KAT2B: variants seen among roughly 807,000 people sequenced by gnomAD.
The protein encoded by KAT2B is histone acetyltransferase KAT2B.
Under a neutral mutation model 105.9 loss-of-function variants are expected in KAT2B, and 36 were observed. That is an observed-to-expected ratio of 0.34 (90% CI 0.26 to 0.45). KAT2B has a LOEUF of 0.45. Ranked by LOEUF, KAT2B falls within the 20% of genes least tolerant of loss-of-function variation. KAT2B has a pLI of 1.00. For synonymous variants in KAT2B, 397 were observed against 377.9 expected (o/e 1.05, Z -0.59); for missense variants, 820 against 1,021.6 (o/e 0.80, Z 2.69).
chr3:20,144,343 C>T (rs1254346417), intron 13 of KAT2B, among the ~76,000 whole-genome samples: 1 of 126,394 alleles, frequency 7.9e-6, no homozygotes, highest in Non-Finnish European at 1.5e-5. Flanking sequence ...GGCTGGAGTG[C>T]AGTGGCATGA....
chr3:20,125,719 C>G (rs1291487468), intron 9 of KAT2B, among the ~76,000 whole-genome samples, 186 bp from the exon 10 acceptor site: 2 of 152,126 alleles, frequency 1.3e-5, no homozygotes, highest in Non-Finnish European at 2.9e-5. Context: ...CCTTTTCTGT[C>G]TTGTCTTCAT....
chr3:20,048,800 A>G (rs1237536880), intron 1 of KAT2B, among the ~76,000 whole-genome samples: 3 of 152,098 alleles, frequency 2.0e-5, no homozygotes, highest in Non-Finnish European at 2.9e-5. Context: ...CACATTGGCT[A>G]CTCACACATG....
In KAT2B at chr3:20,062,300, TAA is replaced by T. The variant is rs1559514563; in HGVS notation, c.304-10030_304-10029del. Among the ~76,000 whole-genome samples, 9 of 48,832 alleles carry T rather than the reference TAA, an allele frequency of 1.8e-4. 1 individual carries two copies. Among genetic ancestry groups the T allele is most frequent in the East Asian group, 3.5e-4 (1 of 2,820 alleles). 32.0% of individuals were successfully genotyped at this position (48,832 alleles called of 152,430 possible). On this transcript the variant is annotated intron_variant, in intron 1 of 17. Transcript: ENST00000263754. ...TATATAAAATATAATATATAATATA[TAA>T]AATATAATATATATAAAATATTTAT...
At chr3:20,084,429 C>T (rs1016454384) in intron 2 of KAT2B, among the ~76,000 whole-genome samples, 1 of 152,078 alleles carries the variant, frequency 6.6e-6, no homozygotes, top group Non-Finnish European at 1.5e-5. Context: ...AGTTACTCAC[C>T]CTTTGTACAG....
At chr3:20,147,867 C>G (rs1488043602) in intron 14 of KAT2B, 96 bp from the exon 15 acceptor site, 10 of 1,129,846 alleles carry the variant, frequency 8.9e-6, no homozygotes, top group Non-Finnish European at 1.3e-5. Context: ...CTTTTATTGT[C>G]ATGCCTATAA....
chr3:20,084,616 A>C (rs568327185), intron 2 of KAT2B, among the ~76,000 whole-genome samples: 63 of 152,310 alleles, frequency 4.1e-4, no homozygotes, highest in Non-Finnish European at 7.6e-4. Flanking sequence ...AAAATCACAA[A>C]ACCACAAGCA....
At chr3:20,106,438 TAC>T (rs10554524) in intron 5 of KAT2B, among the ~76,000 whole-genome samples, 32,631 of 145,320 alleles carry the variant, frequency 0.22, 4,151 homozygotes, top group East Asian at 0.4. Context: ...ACACCAGAAG[TAC>T]ACACACACAC....
At chr3:20,113,660 C>T (rs1699158621) in intron 6 of KAT2B, among the ~76,000 whole-genome samples, 1 of 152,174 alleles carries the variant, frequency 6.6e-6, no homozygotes, top group African/African-American at 2.4e-5. Context: ...CAGAACCACA[C>T]ATGTTGAAGC....
intron 2 of KAT2B, among the ~76,000 whole-genome samples, chr3:20,074,765 A>T (rs547520491): frequency 4.8e-4 from 73 of 152,288 alleles, no homozygotes; most frequent in African/African-American, 1.7e-3. Context: ...TGAATCATTT[A>T]GGATTCAACT....
chr3:20,140,137 C>A, intron 12 of KAT2B, 84 bp from the exon 13 acceptor site: 1 of 885,828 alleles, frequency 1.1e-6, no homozygotes, highest in Non-Finnish European at 1.8e-6. Flanking sequence ...GTCTTGATTC[C>A]TCACACAGTG....
chr3:20,042,371 C>G (rs1041520432), intron 1 of KAT2B, among the ~76,000 whole-genome samples: 1 of 152,104 alleles, frequency 6.6e-6, no homozygotes, highest in Admixed American at 6.6e-5. Context: ...GGGCATTAGA[C>G]GAATGAGAAC....
chr3:20,123,613 A>G (rs1051472014), intron 9 of KAT2B, among the ~76,000 whole-genome samples: 4 of 152,200 alleles, frequency 2.6e-5, no homozygotes, highest in Non-Finnish European at 5.9e-5. Context: ...AATTTCCCAT[A>G]TAGCCAGATG....
chr3:20,144,286 T>C (rs55828442), intron 13 of KAT2B, among the ~76,000 whole-genome samples: 21,256 of 72,318 alleles, frequency 0.29, 2,047 homozygotes, highest in Non-Finnish European at 0.36. Context: ...CTTTTTTTTT[T>C]TTTTTTTTTT....
chr3:20,040,455 C>A lies in KAT2B; in HGVS notation c.-23C>A. On this transcript the variant is annotated 5_prime_UTR_variant, in exon 1 of 18. Coordinates refer to ENST00000263754, the MANE Select transcript of KAT2B (RefSeq NM_003884.5). The stretch of plus-strand genomic sequence containing the variant: ...GGCGGCGGCGCCTGACACTCGGCGC[C>A]TCCTGCCGTGCTCCGGGGCGGCATG... The A allele has an allele frequency of 3.7e-6, 4 of 1,088,080 alleles. No homozygotes were observed. The highest frequency in any genetic ancestry group is 4.5e-6 in the Non-Finnish European group (4 of 897,876). The allele number at this position is 1,088,080 out of a possible 1,614,324, so 67.4% of individuals were successfully genotyped here.
At chr3:20,105,341 G>A (rs2125159821) in intron 5 of KAT2B, among the ~76,000 whole-genome samples, 1 of 152,300 alleles carries the variant, frequency 6.6e-6, no homozygotes, top group East Asian at 1.9e-4. Flanking sequence ...TAAAAAGAAA[G>A]TGTCACAGGA....
At position 20,119,695 on chromosome 3, in the gene KAT2B, A is replaced by C. The variant is rs137884855; in HGVS notation, c.1248A>C (p.Lys416Asn). 19 of 1,614,096 alleles carry C rather than the reference A, an allele frequency of 1.2e-5. No individual in the cohort carries two copies. The Admixed American group carries it at 2.5e-4, about 21-fold the overall frequency. ...PNAGSSSPAC[K>N]ASSGLEANPG... ...CAGGGAGCAGCAGTCCTGCCTGCAA[A>C]GCCTCTTCTGGACTTGAGGCAAACC... The change falls in exon 8 of 18, where the codon AAA becomes AAC. Residue 416 changes from lysine to asparagine, a missense_variant. Lys to Asn is a moderately conservative substitution (Grantham distance 94, BLOSUM62 0). Coordinates refer to ENST00000263754, the MANE Select transcript of KAT2B (RefSeq NM_003884.5).
intron 1 of KAT2B, among the ~76,000 whole-genome samples, chr3:20,062,156 A>T (rs1274803839): frequency 7.0e-5 from 6 of 85,242 alleles, no homozygotes; most frequent in Non-Finnish European, 1.2e-4. Flanking sequence ...ATAAAAATAT[A>T]TAATATATAA....
intron 5 of KAT2B, among the ~76,000 whole-genome samples, chr3:20,101,886 T>G (rs1698916919): frequency 6.6e-6 from 1 of 152,264 alleles, no homozygotes; most frequent in South Asian, 2.1e-4. Context: ...CCAGTGTGGC[T>G]ACTAGAAAAT....
intron 3 of KAT2B, among the ~76,000 whole-genome samples, chr3:20,099,074 A>G (rs1352772595): frequency 6.6e-6 from 1 of 152,244 alleles, no homozygotes; most frequent in East Asian, 1.9e-4. Context: ...GATCGAAGGT[A>G]AAGAATTTCA....
Sources: allele counts gnomAD v4.1 joint callset (sites outside exome capture counted in the v4.1 genomes callset), GRCh38; gene constraint gnomAD v4.1.1; transcripts MANE v1.5; gene names NCBI Gene and HGNC (gene_info 2026-07-23, HGNC 2026-07-21).